RIMS3: variants seen among roughly 807,000 people sequenced by gnomAD.
The protein encoded by RIMS3 is regulating synaptic membrane exocytosis protein 3.
In RIMS3, 15 loss-of-function variants were observed where a neutral mutation model predicts 29.2. The observed-to-expected ratio is 0.51, with a 90% CI of 0.34 to 0.79. RIMS3 has a LOEUF of 0.79. Among genes scored for constraint, RIMS3 ranks in the 30% least tolerant of loss-of-function variants. RIMS3 has a pLI of 0.01. For missense variants in RIMS3, 342 were observed against 421.4 expected (o/e 0.81, Z 1.65); for synonymous variants, 161 against 170.1 (o/e 0.95, Z 0.41).
chr1:40,654,113 C>T lies in RIMS3; in HGVS notation c.-206-6271G>A, dbSNP rs1056023044. On this transcript the variant is annotated intron_variant, in intron 1 of 7. Coordinates refer to ENST00000372684, the MANE Select transcript of RIMS3 (RefSeq NM_014747.3). This position sits in a 1 kb window ranked among gnomAD's most constrained non-coding sequence, Gnocchi z 5.3. ...CAGCGGCTGGCGACTCGCTCCCAGT[C>T]CCTCCCCCGCCTGCCCTCCCATCTC... Among the ~76,000 whole-genome samples, 14 of 151,444 alleles carry T rather than the reference C, an allele frequency of 9.2e-5. No homozygotes were observed. Among genetic ancestry groups the T allele is most frequent in the African/African-American group, 2.9e-4 (12 of 41,198 alleles).
the RIMS3 span, chr1:40,687,404 C>T: frequency 6.6e-6 from 1 of 152,014 alleles, no homozygotes; most frequent in Non-Finnish European, 1.5e-5. Context: ...GAGTTCCAGA[C>T]CAGCCTGATC....
chr1:40,627,568 C>T (rs1049713236), intron 7 of RIMS3, among the ~76,000 whole-genome samples: 1 of 152,026 alleles, frequency 6.6e-6, no homozygotes, highest in Non-Finnish European at 1.5e-5. Flanking sequence ...TTATTCTTCC[C>T]ACTCCCCAAA....
the RIMS3 span, among the ~76,000 whole-genome samples, chr1:40,678,385 G>A: frequency 2.0e-5 from 3 of 152,206 alleles, no homozygotes; most frequent in Admixed American, 1.3e-4. Context: ...TCCATCCTGG[G>A]TGACAGAGTG....
chr1:40,691,184 A>G, the RIMS3 span: 1 of 152,482 alleles, frequency 6.6e-6, no homozygotes, highest in South Asian at 2.0e-4. Flanking sequence ...TTACAAGCTA[A>G]CTATTCTTGG....
At chr1:40,671,760 T>C in the RIMS3 span, among the ~76,000 whole-genome samples, 76 of 147,526 alleles carry the variant, frequency 5.2e-4, 1 homozygote, top group East Asian at 0.013. Context: ...TTCTTTTCTT[T>C]TTTTTTTTTT....
At chr1:40,668,634 A>T (rs1299305779), upstream of RIMS3, among the ~76,000 whole-genome samples, 1 of 152,192 alleles carries the variant, frequency 6.6e-6, no homozygotes, top group Non-Finnish European at 1.5e-5. Context: ...ATGTATCAGA[A>T]AAAAGACATG....
chr1:40,643,821 G>A lies in RIMS3; in HGVS notation c.-31-1865C>T, dbSNP rs571276657. 2.4e-4 allele frequency among the ~76,000 whole-genome samples: 37 copies of A among 152,120 alleles called. No individual in the cohort carries two copies. The East Asian group carries it at 2.5e-3, about 10-fold the overall frequency. ...GGATTTTGTCTGCTTATTTCTTTAG[G>A]ACTGATTCCTCGAAATGGAACGACT... On this transcript the variant is annotated intron_variant, in intron 2 of 7. Coordinates refer to ENST00000372684, the MANE Select transcript of RIMS3 (RefSeq NM_014747.3).
chr1:40,685,513 A>G, the RIMS3 span, among the ~76,000 whole-genome samples: 1 of 151,822 alleles, frequency 6.6e-6, no homozygotes, highest in Admixed American at 6.6e-5. Flanking sequence ...TCAGACTGCA[A>G]TGAAGTTCTA....
the RIMS3 span, chr1:40,691,542 C>G: frequency 3.3e-6 from 1 of 300,702 alleles, no homozygotes; most frequent in African/African-American, 2.4e-5. Context: ...ATCTCGAGCT[C>G]CCGAAAGGGG....
rs1255559778 is a variant in RIMS3 at position 40,636,084 on chromosome 1, G to A, written c.218-27C>T. 6.2e-7 allele frequency: 1 copy of A among 1,601,106 alleles called. No individual in the cohort carries two copies. The highest frequency in any genetic ancestry group is 8.5e-7 in the Non-Finnish European group (1 of 1,179,756). On this transcript the variant is annotated intron_variant, in intron 3 of 7. Coordinates refer to ENST00000372684, the MANE Select transcript of RIMS3 (RefSeq NM_014747.3). This position sits in a 1 kb window ranked among gnomAD's most constrained non-coding sequence, Gnocchi z 4.2. ...TGTGACCCCCCCAACCCCAAGCACA[G>A]AGAGGGAACAAGGTCAGATTATGAA...
chr1:40,688,005 C>T, the RIMS3 span, among the ~76,000 whole-genome samples: 1 of 152,208 alleles, frequency 6.6e-6, no homozygotes, highest in Non-Finnish European at 1.5e-5. Context: ...CGCTCTGTCA[C>T]CTAGGCTAGA....
At position 40,622,305 on chromosome 1, in the gene RIMS3, T is replaced by A. The variant is rs1297245013; in HGVS notation, c.*4212A>T. Reference sequence around the variant, plus strand: ...CCAGACCAGGCCAGTCCAGCCCCCATCAGGGCTCACCTGATTGTGTGGGCT... The same window carrying A: ...CCAGACCAGGCCAGTCCAGCCCCCAACAGGGCTCACCTGATTGTGTGGGCT... On this transcript the variant is annotated 3_prime_UTR_variant, in exon 8 of 8. Coordinates refer to ENST00000372684, the MANE Select transcript of RIMS3 (RefSeq NM_014747.3). 6.5e-6 allele frequency: 1 copy of A among 152,812 alleles called. No individual in the cohort carries two copies. Among genetic ancestry groups the A allele is most frequent in the East Asian group, 1.9e-4 (1 of 5,186 alleles). 9.5% of individuals were successfully genotyped at this position (152,812 alleles called of 1,614,324 possible).
At chr1:40,688,631 T>A in the RIMS3 span, among the ~76,000 whole-genome samples, 1 of 152,158 alleles carries the variant, frequency 6.6e-6, no homozygotes, top group African/African-American at 2.4e-5. Flanking sequence ...TGGGTGAACA[T>A]AGAGGAAAGC....
At chr1:40,669,900 C>T (rs957334821), upstream of RIMS3, among the ~76,000 whole-genome samples, 1 of 152,086 alleles carries the variant, frequency 6.6e-6, no homozygotes, top group African/African-American at 2.4e-5. Flanking sequence ...CTTGGGAGTC[C>T]CTCCTGATTC....
chr1:40,683,919 G>A, the RIMS3 span, among the ~76,000 whole-genome samples: 4 of 152,132 alleles, frequency 2.6e-5, no homozygotes, highest in Non-Finnish European at 5.9e-5. Context: ...ACTTTTCTGA[G>A]AAGTGTTACT....
chr1:40,671,757 C>CTT, the RIMS3 span, among the ~76,000 whole-genome samples: 192 of 130,298 alleles, frequency 1.5e-3, no homozygotes, highest in African/African-American at 4.7e-3. Flanking sequence ...CCTTTCTTTT[C>CTT]TTTTTTTTTT....
rs549365637 is a variant in RIMS3 at position 40,627,991 on chromosome 1, C to A, written c.714+819G>T. ...CAGCCCTAGATGAGAAGTTGGATGG[C>A]CCAGACAGCCCCTGGCTCTAGCCTC... On this transcript the variant is annotated intron_variant, in intron 7 of 7. Transcript: ENST00000372684. Among the ~76,000 whole-genome samples the A allele has an allele frequency of 3.8e-4, 58 of 152,306 alleles. 1 individual carries two copies. Among genetic ancestry groups the A allele is most frequent in the South Asian group, 1.5e-3 (7 of 4,822 alleles).
At chr1:40,630,307 A>G (rs1646481247) in intron 5 of RIMS3, among the ~76,000 whole-genome samples, 2 of 152,136 alleles carry the variant, frequency 1.3e-5, no homozygotes, top group Admixed American at 1.3e-4. Context: ...GTGTGGAGTT[A>G]TGTCAGTTAC....
the RIMS3 span, among the ~76,000 whole-genome samples, chr1:40,685,650 G>T: frequency 1.3e-5 from 2 of 151,972 alleles, no homozygotes; most frequent in Non-Finnish European, 2.9e-5. Flanking sequence ...TATGAGCAGC[G>T]TATGGGAAGT....
Sources: gnomAD v4.1 joint callset for allele counts (sites outside exome capture counted in the v4.1 genomes callset) on GRCh38, gnomAD v4.1.1 for gene constraint, Gnocchi (gnomAD v3.1) non-coding constraint, MANE v1.5 for transcripts, NCBI Gene and HGNC (gene_info 2026-07-23, HGNC 2026-07-21) for gene names.